WWOX: variants seen among roughly 807,000 people sequenced by gnomAD.
WWOX encodes the protein WW domain-containing oxidoreductase.
A neutral mutation model predicts 46.2 loss-of-function variants in WWOX; 69 were observed. The ratio of observed to expected loss-of-function variants is 1.49; its 90% CI spans 1.23 to 1.82. The LOEUF (loss-of-function observed/expected upper bound fraction) is 1.82. Ranked by LOEUF, WWOX falls within the 40% of genes most tolerant of loss-of-function variation. WWOX has a pLI of 0.00. For synonymous variants in WWOX, 359 were observed against 202.6 expected, an observed-to-expected ratio of 1.77 and a Z score of -6.56; for missense variants, 919 against 542.6, an observed-to-expected ratio of 1.69 and a Z score of -6.89.
intron 8 of WWOX, among the ~76,000 whole-genome samples, chr16:78,875,345 C>G (rs898468174): frequency 2.0e-5 from 3 of 152,170 alleles, no homozygotes; most frequent in South Asian, 2.1e-4. Flanking sequence ...TAAGCCTTCT[C>G]TAGCTTTATG....
chr16:79,102,097 T>A (rs905006358), intron 8 of WWOX, among the ~76,000 whole-genome samples: 1 of 23,148 alleles, frequency 4.3e-5, no homozygotes, highest in Non-Finnish European at 8.4e-5. Context: ...GGGGCGGGGG[T>A]GGGCAGGTTC....
chr16:79,084,273 G>C (rs1368793113), intron 8 of WWOX, among the ~76,000 whole-genome samples: 1 of 152,120 alleles, frequency 6.6e-6, no homozygotes, highest in Non-Finnish European at 1.5e-5. Flanking sequence ...TGCTAGAGCT[G>C]TACAAAGAGA....
At chr16:78,911,403 A>G (rs939253425) in intron 8 of WWOX, among the ~76,000 whole-genome samples, 3 of 152,014 alleles carry the variant, frequency 2.0e-5, no homozygotes, top group Non-Finnish European at 4.4e-5. Context: ...CTTTTTCTTG[A>G]TGGCCTGGGT....
chr16:78,674,566 T>G (rs1220482918), intron 8 of WWOX, among the ~76,000 whole-genome samples: 1 of 152,180 alleles, frequency 6.6e-6, no homozygotes, highest in East Asian at 1.9e-4. Flanking sequence ...ATTACAGGCT[T>G]GAGCCACAGC....
At chr16:78,563,894 T>C (rs1005629566) in intron 8 of WWOX, among the ~76,000 whole-genome samples, 6 of 152,188 alleles carry the variant, frequency 3.9e-5, no homozygotes, top group African/African-American at 1.4e-4. Flanking sequence ...TGAACCAGGA[T>C]GGCATGAAAC....
At chr16:78,263,664 C>T (rs1162123824) in intron 5 of WWOX, among the ~76,000 whole-genome samples, 3 of 152,132 alleles carry the variant, frequency 2.0e-5, no homozygotes, top group Admixed American at 6.5e-5. Context: ...TGCCACCAGT[C>T]CATTTTGTTC....
chr16:79,135,846 A>G (rs944198251), intron 8 of WWOX, among the ~76,000 whole-genome samples: 1 of 152,126 alleles, frequency 6.6e-6, no homozygotes, highest in African/African-American at 2.4e-5. Flanking sequence ...TTTATTGACC[A>G]TTCACATTTC....
intron 8 of WWOX, among the ~76,000 whole-genome samples, chr16:78,842,749 G>C (rs935476667): frequency 4.0e-5 from 6 of 150,822 alleles, no homozygotes; most frequent in African/African-American, 1.2e-4. Flanking sequence ...CTACTCAGGA[G>C]GCTGAGGCAG....
chr16:78,419,532 G>A (rs137917031), intron 6 of WWOX, among the ~76,000 whole-genome samples: 2 of 143,656 alleles, frequency 1.4e-5, no homozygotes, highest in African/African-American at 2.6e-5. Context: ...ATTCAAAATA[G>A]TCTTTTCAAC....
chr16:78,918,541 A>T (rs1310359224), intron 8 of WWOX, among the ~76,000 whole-genome samples: 1 of 152,170 alleles, frequency 6.6e-6, no homozygotes, highest in African/African-American at 2.4e-5. Flanking sequence ...GCTGGCTGTT[A>T]AGAAAACTTT....
chr16:78,621,061 A>G (rs1039868819), intron 8 of WWOX, among the ~76,000 whole-genome samples: 1 of 152,192 alleles, frequency 6.6e-6, no homozygotes, highest in Admixed American at 6.5e-5. Context: ...GCAGCCTTTA[A>G]CTTCCTTTCT....
chr16:78,186,530 G>A (rs1223288004), intron 5 of WWOX, among the ~76,000 whole-genome samples: 1 of 152,234 alleles, frequency 6.6e-6, no homozygotes, highest in African/African-American at 2.4e-5. Flanking sequence ...TTGGGAGGCT[G>A]AGGCAGGTGG....
At chr16:78,108,076 G>T (rs532195000) in intron 1 of WWOX, among the ~76,000 whole-genome samples, 2 of 151,602 alleles carry the variant, frequency 1.3e-5, no homozygotes, top group South Asian at 2.1e-4. Flanking sequence ...CTACAGGCAC[G>T]TGCCACTGTC....
intron 8 of WWOX, among the ~76,000 whole-genome samples, chr16:78,739,629 G>T (rs758857873): frequency 6.6e-6 from 1 of 152,168 alleles, no homozygotes; most frequent in Non-Finnish European, 1.5e-5. Context: ...TGGCTAACAC[G>T]GATAAACCTC....
chr16:78,312,468 C>G (rs1427494839), intron 5 of WWOX, among the ~76,000 whole-genome samples: 1 of 151,134 alleles, frequency 6.6e-6, no homozygotes, highest in African/African-American at 2.4e-5. Context: ...ACCTCCACCT[C>G]CTGTGTTCAA....
intron 8 of WWOX, among the ~76,000 whole-genome samples, chr16:78,501,511 G>A (rs977863585): frequency 9.3e-5 from 14 of 151,248 alleles, no homozygotes; most frequent in African/African-American, 2.9e-4. Flanking sequence ...TGGGCTGTAC[G>A]TTAGAACCAC....
chr16:78,494,549 C>T (rs2738721), intron 8 of WWOX, among the ~76,000 whole-genome samples: 112,940 of 152,130 alleles, frequency 0.74, 44,299 homozygotes, highest in Admixed American at 0.86. Context: ...TTTTGAAATT[C>T]TGTTTTTGGC....
At chr16:78,132,675 G>C (rs1349133487) in intron 4 of WWOX, among the ~76,000 whole-genome samples, 1 of 152,130 alleles carries the variant, frequency 6.6e-6, no homozygotes, top group Non-Finnish European at 1.5e-5. Context: ...TATTTTGTGG[G>C]CAGATTTCTT....
intron 8 of WWOX, among the ~76,000 whole-genome samples, chr16:79,071,435 C>A (rs1310281696): frequency 3.3e-5 from 5 of 152,158 alleles, no homozygotes; most frequent in Non-Finnish European, 7.3e-5. Flanking sequence ...CTCTTAGAGC[C>A]CTGTTACCCA....
Sources: gnomAD v4.1 joint callset for allele counts (sites outside exome capture counted in the v4.1 genomes callset) on GRCh38, gnomAD v4.1.1 for gene constraint, MANE v1.5 for transcripts, NCBI Gene and HGNC (gene_info 2026-07-23, HGNC 2026-07-21) for gene names.